MBNL1: variants seen among roughly 807,000 people sequenced by gnomAD.
MBNL1 encodes muscleblind-like protein 1.
A neutral mutation model predicts 42.2 loss-of-function variants in MBNL1; 8 were observed. That is an observed-to-expected ratio of 0.19 (90% confidence interval 0.11 to 0.34). The LOEUF is 0.34. Ranked by LOEUF, MBNL1 falls within the 10% of genes least tolerant of loss-of-function variation. The pLI is 1.00. For missense variants in MBNL1, 309 were observed against 495.3 expected, an observed-to-expected ratio of 0.62 and a Z score of 3.57; for synonymous variants, 169 against 173.9, an observed-to-expected ratio of 0.97 and a Z score of 0.22.
At chr3:152,308,235 A>T (rs1488255179) in intron 2 of MBNL1, among the ~76,000 whole-genome samples, 3 of 152,192 alleles carry the variant, frequency 2.0e-5, no homozygotes, top group Non-Finnish European at 4.4e-5. Flanking sequence ...GGCTCCATAG[A>T]AGTGTTATCT....
intron 2 of MBNL1, among the ~76,000 whole-genome samples, chr3:152,353,373 G>C (rs1204733102): frequency 6.6e-6 from 1 of 152,208 alleles, no homozygotes; most frequent in Non-Finnish European, 1.5e-5. Context: ...CTTTTGGCTA[G>C]AATAATGTGC....
At chr3:152,305,956 T>C (rs764964513) in intron 2 of MBNL1, among the ~76,000 whole-genome samples, 3 of 152,234 alleles carry the variant, frequency 2.0e-5, no homozygotes, top group Admixed American at 1.3e-4. Flanking sequence ...TTGCTAGCGA[T>C]AAAACTTTCT....
At chr3:152,363,147 G>A (rs545903024) in intron 2 of MBNL1, among the ~76,000 whole-genome samples, 1 of 152,130 alleles carries the variant, frequency 6.6e-6, no homozygotes, top group African/African-American at 2.4e-5. Flanking sequence ...TTCATTCATG[G>A]TTTGCAATAT....
At chr3:152,406,980 CTGTG>C (rs1246186447) in intron 2 of MBNL1, among the ~76,000 whole-genome samples, 1 of 151,238 alleles carries the variant, frequency 6.6e-6, no homozygotes, top group Non-Finnish European at 1.5e-5. Flanking sequence ...ACTCAATAGG[CTGTG>C]TGTGTATTTG....
chr3:152,352,984 A>G (rs971684787), intron 2 of MBNL1, among the ~76,000 whole-genome samples: 4 of 152,252 alleles, frequency 2.6e-5, no homozygotes, highest in Non-Finnish European at 5.9e-5. Context: ...AGTCTATTTT[A>G]TGATGAATAG....
At chr3:152,298,650 GAT>G (rs2059594768) in intron 1 of MBNL1, among the ~76,000 whole-genome samples, 1 of 152,312 alleles carries the variant, frequency 6.6e-6, no homozygotes, top group South Asian at 2.1e-4. Flanking sequence ...GCCTGCCTGT[GAT>G]ATATTGACAA....
intron 2 of MBNL1, among the ~76,000 whole-genome samples, chr3:152,323,229 A>T (rs1015104221): frequency 2.0e-5 from 3 of 152,134 alleles, no homozygotes; most frequent in African/African-American, 7.2e-5. Context: ...AAAGGAACTT[A>T]AAAAAGTGAT....
intron 2 of MBNL1, chr3:152,340,308 T>C (rs2152816136): frequency 3.7e-6 from 2 of 544,980 alleles, no homozygotes; most frequent in South Asian, 2.6e-5. Context: ...AGACCTTGTC[T>C]CAAAAAGAAA....
At chr3:152,433,985 T>C (rs929433567) in intron 4 of MBNL1, among the ~76,000 whole-genome samples, 6 of 152,212 alleles carry the variant, frequency 3.9e-5, no homozygotes, top group African/African-American at 1.2e-4. Context: ...GTGTCATTCA[T>C]TGAACCCACC....
chr3:152,441,270 AC>A (rs59701369), intron 4 of MBNL1, among the ~76,000 whole-genome samples: 2,423 of 152,314 alleles, frequency 0.016, 57 homozygotes, highest in African/African-American at 0.055. Flanking sequence ...TATAAAACTT[AC>A]GTTATTTTGA....
chr3:152,271,498 A>G (rs1414255456), intron 1 of MBNL1, among the ~76,000 whole-genome samples: 1 of 152,196 alleles, frequency 6.6e-6, no homozygotes, highest in Non-Finnish European at 1.5e-5. Flanking sequence ...GGAAACAGAG[A>G]ATAAATAATC....
At chr3:152,454,764 A>G (rs1161621279) in intron 6 of MBNL1, among the ~76,000 whole-genome samples, 2 of 152,154 alleles carry the variant, frequency 1.3e-5, no homozygotes, top group Non-Finnish European at 2.9e-5. Flanking sequence ...TACTCCCAGA[A>G]GTCTTGAAGG....
At chr3:152,456,489 G>A (rs912319160) in intron 8 of MBNL1, 128 bp downstream of exon 8, 17 of 718,300 alleles carry the variant, frequency 2.4e-5, no homozygotes, top group African/African-American at 2.3e-4. Flanking sequence ...TGTAGAGGGT[G>A]CTTTAATAAG....
At chr3:152,422,164 G>A (rs2098815890) in intron 3 of MBNL1, among the ~76,000 whole-genome samples, 1 of 151,184 alleles carries the variant, frequency 6.6e-6, no homozygotes, top group Non-Finnish European at 1.5e-5. Context: ...AGACCCATCA[G>A]TGTGCTGTAT....
chr3:152,396,730 T>C (rs1359407757), intron 2 of MBNL1, among the ~76,000 whole-genome samples: 4 of 152,184 alleles, frequency 2.6e-5, no homozygotes, highest in African/African-American at 7.2e-5. Context: ...TTTTTGTTTG[T>C]TTTTGTTTTG....
intron 2 of MBNL1, among the ~76,000 whole-genome samples, chr3:152,391,386 T>G (rs2097710095): frequency 6.6e-6 from 1 of 152,254 alleles, no homozygotes; most frequent in East Asian, 1.9e-4. Context: ...TAAACTTCTG[T>G]TCACAGATTT....
At chr3:152,459,973 G>C (rs1484529956) in intron 9 of MBNL1, among the ~76,000 whole-genome samples, 1 of 151,004 alleles carries the variant, frequency 6.6e-6, no homozygotes, top group Non-Finnish European at 1.5e-5. Context: ...AATGAGTTTG[G>C]CTAAGCGTGG....
intron 2 of MBNL1, among the ~76,000 whole-genome samples, chr3:152,394,481 A>G (rs1030686117): frequency 6.6e-6 from 1 of 152,170 alleles, no homozygotes; most frequent in Non-Finnish European, 1.5e-5. Context: ...ACCTTGTACA[A>G]ATTATTTAAT....
chr3:152,389,402 C>T (rs906930598), intron 2 of MBNL1, among the ~76,000 whole-genome samples: 5 of 152,034 alleles, frequency 3.3e-5, no homozygotes, highest in Admixed American at 1.3e-4. Context: ...TGCCTGGCCC[C>T]GTATCTCTTA....
Sources: gnomAD v4.1 joint callset for allele counts (sites outside exome capture counted in the v4.1 genomes callset) on GRCh38, gnomAD v4.1.1 for gene constraint, MANE v1.5 for transcripts, NCBI Gene and HGNC (gene_info 2026-07-23, HGNC 2026-07-21) for gene names.